Variants in PASD1 observed in about 807,000 individuals in gnomAD.
PASD1 encodes circadian clock protein PASD1.
In PASD1, 13 loss-of-function variants were observed where a neutral mutation model predicts 58.8. The ratio of observed to expected loss-of-function variants is 0.22; its 90% CI spans 0.14 to 0.35. The LOEUF (loss-of-function observed/expected upper bound fraction) is 0.35. Ranked by LOEUF, PASD1 falls within the 10% of genes least tolerant of loss-of-function variation. PASD1 has a pLI of 1.00. For synonymous variants in PASD1, 236 were observed against 216.7 expected, an observed-to-expected ratio of 1.09 and a Z score of -0.78; for missense variants, 734 against 568.3, an observed-to-expected ratio of 1.29 and a Z score of -2.96.
At chrX:151,595,159 A>G (rs1247944717) in intron 1 of PASD1, among the ~76,000 whole-genome samples, 1 of 111,416 alleles carries the variant, frequency 9.0e-6, no homozygotes, top group Non-Finnish European at 1.9e-5. Context: ...ATGAGTTTAT[A>G]TTTTTCATCC....
chrX:151,642,396 A>G (rs1438220069), intron 8 of PASD1, among the ~76,000 whole-genome samples: 1 of 112,330 alleles, frequency 8.9e-6, no homozygotes, highest in Non-Finnish European at 1.9e-5. Flanking sequence ...TCAATATATT[A>G]TTCTTGATTA....
rs192218578 is a variant in PASD1 at position 151,674,799 on chromosome X, A to G, written c.2175+613A>G. On this transcript the variant is annotated intron_variant, in intron 15 of 15. Transcript: ENST00000370357. Reference sequence around the variant, plus strand: ...AACTTACAAAAGGTGTTTTCACTCTAGCTTTAAAAATCTTATTATAGCCTA... The same window carrying G: ...AACTTACAAAAGGTGTTTTCACTCTGGCTTTAAAAATCTTATTATAGCCTA... 6.2e-5 allele frequency among the ~76,000 whole-genome samples: 7 copies of G among 112,337 alleles called. No individual in the cohort carries two copies. In the East Asian group the frequency reaches 1.7e-3, roughly 27 times the overall value.
At chrX:151,640,015 C>T (rs2013978491) in intron 8 of PASD1, among the ~76,000 whole-genome samples, 1 of 111,824 alleles carries the variant, frequency 8.9e-6, no homozygotes, top group Non-Finnish European at 1.9e-5. Context: ...TGGGACTCGA[C>T]TGGTCTCTTG....
At chrX:151,573,423 G>A (rs1786555384) in intron 1 of PASD1, among the ~76,000 whole-genome samples, 1 of 112,246 alleles carries the variant, frequency 8.9e-6, no homozygotes, top group African/African-American at 3.2e-5. Context: ...TTTTCAACTA[G>A]CTGAATGTTA....
intron 8 of PASD1, among the ~76,000 whole-genome samples, chrX:151,633,301 C>G (rs922322603): frequency 9.0e-6 from 1 of 111,003 alleles, no homozygotes; most frequent in Non-Finnish European, 1.9e-5. Context: ...AGCCAGATGA[C>G]TCTGTGCTCC....
At chrX:151,670,738 A>T (rs897152123) in intron 11 of PASD1, among the ~76,000 whole-genome samples, 4 of 112,030 alleles carry the variant, frequency 3.6e-5, no homozygotes, top group Non-Finnish European at 7.5e-5. Context: ...ATACTTTGGC[A>T]CTGGCCCATG....
intron 3 of PASD1, among the ~76,000 whole-genome samples, chrX:151,610,973 A>G (rs751437518): frequency 4.5e-5 from 5 of 110,722 alleles, no homozygotes; most frequent in Non-Finnish European, 9.4e-5. Context: ...GTGGTCTTTG[A>G]TTTCACCTCC....
intron 4 of PASD1, among the ~76,000 whole-genome samples, chrX:151,612,411 G>A (rs1157208915): frequency 9.2e-6 from 1 of 108,513 alleles, no homozygotes; most frequent in Non-Finnish European, 1.9e-5. Context: ...CACAATGGTT[G>A]AACTAGTTTA....
intron 7 of PASD1, 92 bp from the exon 8 acceptor site, chrX:151,625,356 G>A: frequency 3.4e-6 from 2 of 581,161 alleles, no homozygotes; most frequent in Non-Finnish European, 5.4e-6. Flanking sequence ...TTGTAACATT[G>A]GATATGAGCA....
chrX:151,598,392 A>T (rs934235400), intron 1 of PASD1, among the ~76,000 whole-genome samples: 1 of 111,331 alleles, frequency 9.0e-6, no homozygotes, highest in African/African-American at 3.3e-5. Context: ...CTGAGATTTC[A>T]CTGTGATATT....
chrX:151,672,128 T>G (rs1602969631), intron 13 of PASD1, 55 bp from the exon 14 acceptor site: 1 of 1,116,202 alleles, frequency 9.0e-7, no homozygotes, highest in East Asian at 3.3e-5. Context: ...TAAATAAGTT[T>G]CTGGGAGGCT....
intron 1 of PASD1, among the ~76,000 whole-genome samples, chrX:151,598,862 T>C (rs1569402391): frequency 9.0e-6 from 1 of 110,926 alleles, no homozygotes; most frequent in East Asian, 2.8e-4. Context: ...CTTGGGTGTT[T>C]CTTGGAGAGG....
chrX:151,605,008 T>C (rs1224696136), intron 3 of PASD1, among the ~76,000 whole-genome samples: 1 of 112,011 alleles, frequency 8.9e-6, no homozygotes, highest in Non-Finnish European at 1.9e-5. Context: ...TCGCATAGGT[T>C]AGTGGCAAGT....
At chrX:151,611,774 G>A (rs780050001) in intron 4 of PASD1, 21 bp downstream of exon 4, 1 of 1,110,899 alleles carries the variant, frequency 9.0e-7, no homozygotes. Flanking sequence ...TCTACTTTTG[G>A]GAAAGTGGAT....
At position 151,604,792 on chromosome X, in the gene PASD1, A is replaced by G. The variant is rs1031248264; in HGVS notation, c.117+58A>G. On this transcript the variant is annotated intron_variant, in intron 3 of 15. Coordinates refer to ENST00000370357, the MANE Select transcript of PASD1 (RefSeq NM_173493.3). ...ATGTTGAATACATGTAATAGAAGAC[A>G]AAGAATAGTGTTTGTCAAAGTGTGA... 14 of 921,330 alleles carry G rather than the reference A, an allele frequency of 1.5e-5. No homozygotes were observed. In the African/African-American group the frequency reaches 2.0e-4, roughly 13 times the overall value. 75.9% of individuals were successfully genotyped at this position (921,330 alleles called of 1,213,427 possible).
At chrX:151,581,974 T>A (rs1472854965) in intron 1 of PASD1, among the ~76,000 whole-genome samples, 1 of 89,262 alleles carries the variant, frequency 1.1e-5, no homozygotes, top group East Asian at 3.8e-4. Flanking sequence ...GAATCTTTTT[T>A]TTTTCTTTTT....
At chrX:151,597,718 T>C (rs2013339268) in intron 1 of PASD1, among the ~76,000 whole-genome samples, 1 of 112,053 alleles carries the variant, frequency 8.9e-6, no homozygotes, top group Non-Finnish European at 1.9e-5. Context: ...TTTTGTTTAC[T>C]AATTTATTAA....
intron 11 of PASD1, among the ~76,000 whole-genome samples, chrX:151,666,450 C>T (rs1374239469): frequency 1.2e-4 from 13 of 107,671 alleles, no homozygotes; most frequent in Non-Finnish European, 1.2e-4. Flanking sequence ...TTGTTTCATA[C>T]GTATACATGT....
chrX:151,672,493 T>G lies in PASD1; in HGVS notation c.1748T>G (p.Val583Gly). The G allele has an allele frequency of 1.7e-6, 2 of 1,211,433 alleles. No homozygotes were observed. Among genetic ancestry groups the G allele is most frequent in the Non-Finnish European group, 2.2e-6 (2 of 895,443 alleles). The change falls in exon 14 of 16, where the codon GTG becomes GGG. Residue 583 changes from valine (V) to glycine (G), a missense_variant. Transcript: ENST00000370357. ...AATGTCATCGTGGGGAATGAGAGGG[T>G]GCAGATATGCCTGCAAAACCCACGT... ...KHNVIVGNERVQICLQNPRDV... is the reference protein window; with the variant it reads ...KHNVIVGNERGQICLQNPRDV...
Sources: allele counts gnomAD v4.1 joint callset (sites outside exome capture counted in the v4.1 genomes callset), GRCh38; gene constraint gnomAD v4.1.1; transcripts MANE v1.5; gene names NCBI Gene and HGNC (gene_info 2026-07-23, HGNC 2026-07-21).